Variants in GPC3 observed in about 807,000 individuals in gnomAD.
GPC3 encodes the protein glypican-3.
A neutral mutation model predicts 34.4 loss-of-function variants in GPC3; 3 were observed. The ratio of observed to expected loss-of-function variants is 0.09; its 90% CI spans 0.04 to 0.23. The LOEUF is 0.23. GPC3 is among the 10% of genes least tolerant of loss of function. The pLI, the probability that GPC3 is intolerant of heterozygous loss-of-function variation, is 1.00. For synonymous variants in GPC3, 177 were observed against 174.0 expected (o/e 1.02, Z -0.13); for missense variants, 351 against 445.6 (o/e 0.79, Z 1.91).
At chrX:133,962,065 G>GA (rs1400853724) in intron 1 of GPC3, among the ~76,000 whole-genome samples, 2 of 112,277 alleles carry the variant, frequency 1.8e-5, no homozygotes, top group African/African-American at 6.5e-5. Flanking sequence ...AGGCTAAAGG[G>GA]AAAATTGAAG....
chrX:133,768,487 C>T (rs116647382), intron 2 of GPC3, among the ~76,000 whole-genome samples: 1,155 of 111,315 alleles, frequency 0.01, 26 homozygotes, highest in African/African-American at 0.036. Context: ...CTTCTCCCCT[C>T]CTTAATTTTT....
At chrX:133,934,227 G>A (rs1052732956) in intron 2 of GPC3, among the ~76,000 whole-genome samples, 1 of 105,160 alleles carries the variant, frequency 9.5e-6, no homozygotes, top group Non-Finnish European at 1.9e-5. Context: ...ATGGAGTTTC[G>A]CTCTTGTTGC....
intron 1 of GPC3, among the ~76,000 whole-genome samples, chrX:133,982,850 C>G (rs1170186566): frequency 8.9e-6 from 1 of 112,153 alleles, no homozygotes. Flanking sequence ...ATTTTCAGCT[C>G]TCTTTCAATT....
In GPC3 at chrX:133,877,938, G is replaced by A. The variant is rs184922470; in HGVS notation, c.337+75112C>T. Among the ~76,000 whole-genome samples, 125 of 110,278 alleles carry A rather than the reference G, an allele frequency of 1.1e-3. 1 individual carries two copies. In the South Asian group the frequency reaches 0.035, roughly 31 times the overall value. ...TAACCATTGAACCACTGTTATCTTT[G>A]GGGAGAATTATGAGTGACTTTTATG... On this transcript the variant is annotated intron_variant, in intron 2 of 7. Transcript: ENST00000370818.
rs150597787 is a variant in GPC3, at chrX:133,929,243, T to C, written c.337+23807A>G. Among the ~76,000 whole-genome samples, 3 of 112,267 alleles carry C rather than the reference T, an allele frequency of 2.7e-5. No homozygotes were observed. The East Asian group carries it at 8.3e-4, about 31-fold the overall frequency. ...CCTTTTTGGTGCCCTTGTGGAAAAT[T>C]AGTTGACCACATATGTTTGGGTTCA... On this transcript the variant is annotated intron_variant, in intron 2 of 7. Coordinates refer to ENST00000370818, the MANE Select transcript of GPC3 (RefSeq NM_004484.4).
rs753020197 is a variant in GPC3 at position 133,753,559 on chromosome X, C to T, written c.955G>A (p.Val319Ile). ...GMYRIYDMENVLLGLFSTIHD... is the reference protein window; with the variant it reads ...GMYRIYDMENILLGLFSTIHD... Reference sequence around the variant, plus strand: ...ATTGTTGAAAAGAGACCAAGCAGTACGTTCTCCATGTCATAGATTCTGTAC... The same window carrying T: ...ATTGTTGAAAAGAGACCAAGCAGTATGTTCTCCATGTCATAGATTCTGTAC... Residue 319 changes from valine (V) to isoleucine (I), a missense_variant, in exon 3 of 8, where the codon GTA (valine) becomes ATA (isoleucine). Transcript: ENST00000370818. 7.4e-6 allele frequency: 9 copies of T among 1,209,104 alleles called. No homozygotes were observed. Among genetic ancestry groups the T allele is most frequent in the Admixed American group, 2.2e-5 (1 of 46,018 alleles).
intron 2 of GPC3, among the ~76,000 whole-genome samples, chrX:133,866,424 T>C (rs1225315439): frequency 8.9e-6 from 1 of 111,849 alleles, no homozygotes; most frequent in Non-Finnish European, 1.9e-5. Flanking sequence ...AATTCCACAG[T>C]GAATATTTAA....
intron 2 of GPC3, among the ~76,000 whole-genome samples, chrX:133,805,201 G>A (rs972528532): frequency 8.9e-6 from 1 of 111,846 alleles, no homozygotes; most frequent in Non-Finnish European, 1.9e-5. Context: ...ATATAAAGTG[G>A]GCAAAAATCA....
At chrX:133,977,784 A>G (rs1000175167) in intron 1 of GPC3, among the ~76,000 whole-genome samples, 1 of 111,844 alleles carries the variant, frequency 8.9e-6, no homozygotes, top group Non-Finnish European at 1.9e-5. Context: ...AGAACTTCCC[A>G]TCAACTTTCA....
At chrX:133,651,137 A>G (rs753908690) in intron 6 of GPC3, among the ~76,000 whole-genome samples, 3 of 111,580 alleles carry the variant, frequency 2.7e-5, no homozygotes, top group African/African-American at 6.5e-5. Context: ...ATCCCAAAAC[A>G]GTCCTTTTTA....
At chrX:133,815,576 TA>T (rs771305542) in intron 2 of GPC3, among the ~76,000 whole-genome samples, 1 of 112,070 alleles carries the variant, frequency 8.9e-6, no homozygotes, top group African/African-American at 3.2e-5. Context: ...CTAAAAAAAC[TA>T]AAAAAACTTA....
intron 7 of GPC3, among the ~76,000 whole-genome samples, chrX:133,545,647 C>T (rs2069377549): frequency 9.0e-6 from 1 of 111,531 alleles, no homozygotes; most frequent in Non-Finnish European, 1.9e-5. Context: ...GCTGTTAGTG[C>T]CACAACACCT....
intron 3 of GPC3, among the ~76,000 whole-genome samples, chrX:133,710,750 G>A (rs975940815): frequency 2.5e-4 from 28 of 112,236 alleles, no homozygotes; most frequent in African/African-American, 7.4e-4. Context: ...GCTGAATGCT[G>A]TAGGGATGGG....
At position 133,535,798 on chromosome X, in the gene GPC3, G is replaced by A. The variant is rs1157733120; in HGVS notation, c.*326C>T. ...AAAGAAATCCATGCAAAGAGAGAAC[G>A]ATAGAAAGGGAGGGAGTGAGAGAGA... is the stretch of plus-strand genomic sequence containing the variant. On this transcript the variant is annotated 3_prime_UTR_variant, in exon 8 of 8. Transcript: ENST00000370818. 1.1e-5 allele frequency: 3 copies of A among 266,896 alleles called. No homozygotes were observed. Among genetic ancestry groups the A allele is most frequent in the East Asian group, 5.7e-5 (1 of 17,481 alleles). The allele number at this position is 266,896 out of a possible 1,213,427, so 22.0% of individuals were successfully genotyped here.
chrX:133,910,414 G>GA (rs995749419), intron 2 of GPC3, among the ~76,000 whole-genome samples: 77 of 108,354 alleles, frequency 7.1e-4, no homozygotes, highest in African/African-American at 1.6e-3. Context: ...TAACAGAATG[G>GA]AAAAAAAAAG....
chrX:133,922,028 C>T lies in GPC3; in HGVS notation c.337+31022G>A, dbSNP rs758015095. ...TGGCCCTCTGCTGCCCTCTAGCAGT[C>T]GCCGGCTACTCTGCCCCATCTGGAA... On this transcript the variant is annotated intron_variant, in intron 2 of 7. Coordinates refer to ENST00000370818, the MANE Select transcript of GPC3 (RefSeq NM_004484.4). Among the ~76,000 whole-genome samples the T allele has an allele frequency of 1.2e-3, 134 of 112,324 alleles. 1 individual carries two copies. Among genetic ancestry groups the T allele is most frequent in the Non-Finnish European group, 3.2e-4 (17 of 53,277 alleles).
At chrX:133,826,290 T>G (rs2075746028) in intron 2 of GPC3, among the ~76,000 whole-genome samples, 1 of 111,641 alleles carries the variant, frequency 9.0e-6, no homozygotes, top group African/African-American at 3.3e-5. Flanking sequence ...TCTAAAGAAC[T>G]AAAGGTAAGT....
intron 1 of GPC3, among the ~76,000 whole-genome samples, chrX:133,974,188 T>C (rs985154943): frequency 3.6e-5 from 4 of 111,505 alleles, no homozygotes; most frequent in African/African-American, 1.3e-4. Context: ...TCACAGAAAC[T>C]GCAGGTACAT....
intron 5 of GPC3, 24 bp downstream of exon 5, chrX:133,692,345 T>C (rs1212952456): frequency 8.3e-7 from 1 of 1,201,635 alleles, no homozygotes; most frequent in Non-Finnish European, 1.1e-6. Flanking sequence ...AATATTGCTA[T>C]ATGTAACTTT....
Sources: allele counts gnomAD v4.1 joint callset (sites outside exome capture counted in the v4.1 genomes callset), GRCh38; gene constraint gnomAD v4.1.1; transcripts MANE v1.5; gene names NCBI Gene and HGNC (gene_info 2026-07-23, HGNC 2026-07-21).